RAB7A: variants seen among roughly 807,000 people sequenced by gnomAD.
The protein encoded by RAB7A is RAB7A, member RAS oncogene family, also known as ras-related protein Rab-7a.
RAB7A carries 2 observed loss-of-function variants against 24.5 expected under a neutral mutation model. The observed-to-expected ratio is 0.08, with a 90% CI of 0.03 to 0.26. RAB7A has a LOEUF of 0.26. Among genes scored for constraint, RAB7A ranks in the 10% least tolerant of loss-of-function variants. RAB7A has a pLI of 1.00. For missense variants in RAB7A, 118 were observed against 255.7 expected (o/e 0.46, Z 3.67); for synonymous variants, 100 against 95.9 (o/e 1.04, Z -0.25).
intron 1 of RAB7A, among the ~76,000 whole-genome samples, chr3:128,746,849 T>G (rs966927840): frequency 7.9e-5 from 12 of 151,748 alleles, no homozygotes; most frequent in South Asian, 4.1e-4. Context: ...TTTTTAAGAT[T>G]CAACACATTG....
chr3:128,730,174 C>G (rs2070420405), intron 1 of RAB7A, among the ~76,000 whole-genome samples: 1 of 151,854 alleles, frequency 6.6e-6, no homozygotes, highest in Admixed American at 6.6e-5. Flanking sequence ...ATCTTCTATT[C>G]TGTTTTTCCC....
chr3:128,798,313 T>G (rs902554290), intron 3 of RAB7A: 1 of 440,730 alleles, frequency 2.3e-6, no homozygotes, highest in Non-Finnish European at 4.1e-6. Context: ...AAAAAAAAAC[T>G]CAGATTTATC....
chr3:128,805,216 G>T (rs1437217541), intron 3 of RAB7A, among the ~76,000 whole-genome samples: 1 of 152,194 alleles, frequency 6.6e-6, no homozygotes, highest in Non-Finnish European at 1.5e-5. Context: ...AACCAGGAGA[G>T]CACAGGGATG....
chr3:128,754,238 A>G (rs1177790577), intron 1 of RAB7A, among the ~76,000 whole-genome samples: 3 of 152,214 alleles, frequency 2.0e-5, no homozygotes, highest in African/African-American at 7.2e-5. Flanking sequence ...TTGGACACAC[A>G]ACACATTGAG....
intron 1 of RAB7A, chr3:128,764,719 G>T (rs1237227166): frequency 3.8e-6 from 3 of 799,172 alleles, no homozygotes; most frequent in Non-Finnish European, 6.7e-6. Flanking sequence ...ACACTCCATT[G>T]CATTCAGCCC....
intron 1 of RAB7A, among the ~76,000 whole-genome samples, chr3:128,737,948 T>C (rs1250589200): frequency 6.7e-6 from 1 of 149,494 alleles, no homozygotes; most frequent in Non-Finnish European, 1.5e-5. Flanking sequence ...AGTGCTAGGA[T>C]TACAGGAATG....
intron 1 of RAB7A, among the ~76,000 whole-genome samples, chr3:128,748,296 C>T (rs938753356): frequency 3.3e-5 from 5 of 152,096 alleles, no homozygotes; most frequent in Admixed American, 2.0e-4. Flanking sequence ...ATTTTCAGGT[C>T]GAGTAAGGGA....
intron 1 of RAB7A, among the ~76,000 whole-genome samples, chr3:128,774,992 G>T (rs1250402752): frequency 2.6e-5 from 4 of 152,086 alleles, no homozygotes; most frequent in Non-Finnish European, 5.9e-5. Flanking sequence ...TTGTTGGCCA[G>T]GTTGGTCTCA....
intron 1 of RAB7A, among the ~76,000 whole-genome samples, chr3:128,744,601 G>T (rs758327996): frequency 3.3e-5 from 5 of 152,184 alleles, no homozygotes; most frequent in Non-Finnish European, 5.9e-5. Context: ...CTGCTTTGGG[G>T]ACCACACCTG....
intron 1 of RAB7A, among the ~76,000 whole-genome samples, chr3:128,735,762 C>T (rs748044876): frequency 1.1e-4 from 16 of 152,124 alleles, no homozygotes; most frequent in Non-Finnish European, 2.2e-4. Flanking sequence ...TGGTTAAATG[C>T]CTGAGATAAT....
chr3:128,806,320 C>T (rs962910664), intron 3 of RAB7A, 52 bp from the exon 4 acceptor site: 13 of 1,525,114 alleles, frequency 8.5e-6, no homozygotes, highest in Non-Finnish European at 1.2e-5. Flanking sequence ...ATACATGCTC[C>T]TGGTGCTCTG....
chr3:128,756,277 G>A (rs536056733), intron 1 of RAB7A, among the ~76,000 whole-genome samples: 10 of 151,806 alleles, frequency 6.6e-5, no homozygotes, highest in Admixed American at 1.3e-4. Context: ...CAGGAGAATC[G>A]CTTGAACCCA....
chr3:128,781,669 C>T (rs919773130), intron 1 of RAB7A, among the ~76,000 whole-genome samples: 1 of 151,690 alleles, frequency 6.6e-6, no homozygotes, highest in African/African-American at 2.4e-5. Flanking sequence ...GAGACCTTGT[C>T]TGAAAAAACA....
intron 1 of RAB7A, chr3:128,765,040 C>A: frequency 7.3e-7 from 1 of 1,361,322 alleles, no homozygotes; most frequent in Non-Finnish European, 1.0e-6. Context: ...GGAGAGGTGG[C>A]GGCGGTGGCT....
At chr3:128,786,333 G>A (rs1369370587) in intron 1 of RAB7A, among the ~76,000 whole-genome samples, 2 of 152,178 alleles carry the variant, frequency 1.3e-5, no homozygotes, top group South Asian at 2.1e-4. Flanking sequence ...GCCTACAACA[G>A]ACACTGCTGT....
intron 1 of RAB7A, among the ~76,000 whole-genome samples, chr3:128,752,548 T>G (rs999002937): frequency 6.6e-6 from 1 of 152,036 alleles, no homozygotes; most frequent in African/African-American, 2.4e-5. Context: ...GGTCTCTGTT[T>G]GTCAGGTCAC....
At chr3:128,752,135 C>T (rs2070688653) in intron 1 of RAB7A, among the ~76,000 whole-genome samples, 1 of 152,100 alleles carries the variant, frequency 6.6e-6, no homozygotes, top group Non-Finnish European at 1.5e-5. Flanking sequence ...AGTGTGACCT[C>T]CTAGCTACAC....
chr3:128,774,166 C>T (rs1933024207), intron 1 of RAB7A, among the ~76,000 whole-genome samples: 1 of 147,204 alleles, frequency 6.8e-6, no homozygotes, highest in Admixed American at 6.7e-5. Context: ...CTATATATTC[C>T]CCTAATATAT....
chr3:128,798,823 A>T (rs1035061432), intron 3 of RAB7A: 76 of 26,580 alleles, frequency 2.9e-3, no homozygotes, highest in Non-Finnish European at 9.1e-3. Context: ...TCTAAATTTA[A>T]AAAAAAAAAA....
Sources: allele counts gnomAD v4.1 joint callset (sites outside exome capture counted in the v4.1 genomes callset), GRCh38; gene constraint gnomAD v4.1.1; transcripts MANE v1.5; gene names NCBI Gene and HGNC (gene_info 2026-07-23, HGNC 2026-07-21).